Variants in LINGO2 observed in about 807,000 individuals in gnomAD.
LINGO2 encodes leucine-rich repeat and immunoglobulin-like domain-containing nogo receptor-interacting protein 2.
Under a neutral mutation model 30.6 loss-of-function variants are expected in LINGO2, and 14 were observed. That is an observed-to-expected ratio of 0.46 (90% CI 0.30 to 0.72). LINGO2 has a LOEUF of 0.72. Ranked by LOEUF, LINGO2 falls within the 30% of genes least tolerant of loss-of-function variation. LINGO2 has a pLI of 0.07. For missense variants in LINGO2, 729 were observed against 751.7 expected (o/e 0.97, Z 0.35); for synonymous variants, 317 against 288.5 (o/e 1.10, Z -1.00).
At position 28,622,366 on chromosome 9, in the gene LINGO2, T is replaced by C. The variant is rs866952221; in HGVS notation, c.-365+47834A>G. ...CTCTCTGTCCATTTACTTGTTTTTATTTTTTATTTTAATTTTAATTAATAT... is the reference window on the plus strand; with the variant it reads ...CTCTCTGTCCATTTACTTGTTTTTACTTTTTATTTTAATTTTAATTAATAT... On this transcript the variant is annotated intron_variant, in intron 1 of 5. Coordinates refer to ENST00000379992, the Ensembl canonical transcript of LINGO2. Among the ~76,000 whole-genome samples the C allele has an allele frequency of 2.6e-5, 4 of 151,936 alleles. 1 individual carries two copies. Among genetic ancestry groups the C allele is most frequent in the Non-Finnish European group, 5.9e-5 (4 of 67,930 alleles).
At chr9:29,063,047 G>C in the LINGO2 span, among the ~76,000 whole-genome samples, 10 of 152,214 alleles carry the variant, frequency 6.6e-5, no homozygotes, top group African/African-American at 2.4e-4. Flanking sequence ...TTATGGTTCA[G>C]TAAAGAACAA....
At chr9:28,153,026 C>T (rs1022926254) in intron 4 of LINGO2, among the ~76,000 whole-genome samples, 4 of 151,946 alleles carry the variant, frequency 2.6e-5, no homozygotes, top group Admixed American at 6.6e-5. Context: ...AAATAACCCC[C>T]GATGCTCAAT....
chr9:28,961,364 T>C, the LINGO2 span, among the ~76,000 whole-genome samples: 1 of 152,174 alleles, frequency 6.6e-6, no homozygotes, highest in African/African-American at 2.4e-5. Context: ...GGGGTATATA[T>C]GGCTTAGGAT....
rs148672184 is a variant in LINGO2, at chr9:28,518,672, T to C, written c.-364-42647A>G. 7.4e-3 allele frequency among the ~76,000 whole-genome samples: 1,122 copies of C among 152,308 alleles called. 12 individuals are homozygous for C. The highest frequency in any genetic ancestry group is 0.025 in the African/African-American group (1,019 of 41,576). ...TCATCTTTTAAGCTCCTCCATATAATTTAATTGCTTTTTCAAAACTTATTA... is the reference window on the plus strand; with the variant it reads ...TCATCTTTTAAGCTCCTCCATATAACTTAATTGCTTTTTCAAAACTTATTA... On this transcript the variant is annotated intron_variant, in intron 1 of 5. Coordinates refer to ENST00000379992, the Ensembl canonical transcript of LINGO2.
intron 1 of LINGO2, among the ~76,000 whole-genome samples, chr9:28,517,135 A>C (rs1820648653): frequency 6.6e-6 from 1 of 152,188 alleles, no homozygotes. Context: ...GTGATTCTTC[A>C]TTCATTCGTC....
the LINGO2 span, among the ~76,000 whole-genome samples, chr9:28,956,019 C>T: frequency 2.2e-4 from 34 of 151,738 alleles, no homozygotes; most frequent in Non-Finnish European, 4.4e-4. Flanking sequence ...AGACAGAATG[C>T]TATATTCACT....
chr9:28,091,931 A>T (rs937874803), intron 4 of LINGO2, among the ~76,000 whole-genome samples: 1 of 152,228 alleles, frequency 6.6e-6, no homozygotes, highest in Non-Finnish European at 1.5e-5. Flanking sequence ...TGCAGCCAAA[A>T]GACACATGAA....
At chr9:28,165,480 T>C (rs1828400501) in intron 4 of LINGO2, among the ~76,000 whole-genome samples, 1 of 152,190 alleles carries the variant, frequency 6.6e-6, no homozygotes, top group Non-Finnish European at 1.5e-5. Flanking sequence ...AACCATATAG[T>C]AACTTAACAG....
chr9:28,833,803 T>G, the LINGO2 span, among the ~76,000 whole-genome samples: 3,206 of 152,244 alleles, frequency 0.021, 58 homozygotes, highest in Middle Eastern at 0.048. Context: ...AAGACAAGGG[T>G]ACTGATAAGA....
intron 1 of LINGO2, among the ~76,000 whole-genome samples, chr9:28,600,377 T>C (rs546103322): frequency 2.0e-5 from 3 of 152,286 alleles, no homozygotes; most frequent in Non-Finnish European, 4.4e-5. Flanking sequence ...TATTGTTTCA[T>C]TGTTATATGT....
intron 1 of LINGO2, among the ~76,000 whole-genome samples, chr9:28,610,676 G>A (rs1444125583): frequency 6.6e-6 from 1 of 152,074 alleles, no homozygotes; most frequent in African/African-American, 2.4e-5. Context: ...CCATCCTCCA[G>A]AACTGTGAGA....
chr9:28,765,030 T>A, the LINGO2 span, among the ~76,000 whole-genome samples: 2 of 152,100 alleles, frequency 1.3e-5, no homozygotes, highest in African/African-American at 2.4e-5. Flanking sequence ...CCCTTGTTTA[T>A]GGATTGGGAA....
the LINGO2 span, among the ~76,000 whole-genome samples, chr9:28,893,305 T>C: frequency 6.6e-6 from 1 of 152,044 alleles, no homozygotes; most frequent in East Asian, 1.9e-4. Context: ...CATTATACCA[T>C]GTCAGGACAT....
At chr9:29,078,583 C>A in the LINGO2 span, among the ~76,000 whole-genome samples, 7 of 152,020 alleles carry the variant, frequency 4.6e-5, no homozygotes, top group African/African-American at 1.7e-4. Flanking sequence ...AAGAGTACAG[C>A]ATTTCTTAAC....
the LINGO2 span, among the ~76,000 whole-genome samples, chr9:29,053,422 G>T: frequency 1.2e-4 from 19 of 152,212 alleles, no homozygotes; most frequent in African/African-American, 4.6e-4. Flanking sequence ...TGGGTGGGGG[G>T]AAGGGGGAGG....
intron 5 of LINGO2, among the ~76,000 whole-genome samples, chr9:27,997,334 TATA>T (rs1272249209): frequency 2.0e-5 from 3 of 152,186 alleles, no homozygotes; most frequent in African/African-American, 7.2e-5. Context: ...TCAGCTGAAA[TATA>T]ATGCCATTCA....
At chr9:28,881,335 G>T in the LINGO2 span, among the ~76,000 whole-genome samples, 1 of 151,958 alleles carries the variant, frequency 6.6e-6, no homozygotes, top group Non-Finnish European at 1.5e-5. Context: ...TGTTAGCCAG[G>T]CTGGTCTCGA....
the LINGO2 span, among the ~76,000 whole-genome samples, chr9:28,939,614 C>A: frequency 6.6e-6 from 1 of 152,168 alleles, no homozygotes; most frequent in Non-Finnish European, 1.5e-5. Context: ...TTTCATAGAA[C>A]TGTAACTATA....
the LINGO2 span, among the ~76,000 whole-genome samples, chr9:28,809,278 T>C: frequency 6.6e-6 from 1 of 152,226 alleles, no homozygotes; most frequent in Non-Finnish European, 1.5e-5. Flanking sequence ...TGGTCGATTA[T>C]GAGGACTGAC....
Sources: gnomAD v4.1 joint callset for allele counts (sites outside exome capture counted in the v4.1 genomes callset) on GRCh38, gnomAD v4.1.1 for gene constraint, MANE v1.5 for transcripts, NCBI Gene and HGNC (gene_info 2026-07-23, HGNC 2026-07-21) for gene names.